Variants in ASTN2 observed in about 807,000 individuals in gnomAD.
The protein encoded by ASTN2 is astrotactin 2.
Under a neutral mutation model 139.8 loss-of-function variants are expected in ASTN2, and 54 were observed. The observed-to-expected ratio is 0.39, with a 90% confidence interval of 0.31 to 0.48. The LOEUF is 0.48. ASTN2 is among the 20% of genes least tolerant of loss of function. ASTN2 has a pLI of 0.95. For missense variants in ASTN2, 1,565 were observed against 1,725.1 expected (o/e 0.91, Z 1.64); for synonymous variants, 756 against 719.5 (o/e 1.05, Z -0.81).
intron 19 of ASTN2, among the ~76,000 whole-genome samples, chr9:116,569,355 C>T (rs1053297824): frequency 2.6e-5 from 4 of 152,186 alleles, no homozygotes; most frequent in Non-Finnish European, 5.9e-5. Flanking sequence ...GTGCAAAGTG[C>T]TTAACGTAGT....
chr9:116,462,225 TGCTAGGAG>T (rs1848509116), intron 20 of ASTN2, among the ~76,000 whole-genome samples: 2 of 152,330 alleles, frequency 1.3e-5, no homozygotes, highest in South Asian at 4.1e-4. Flanking sequence ...ACATATAATG[TGCTAGGAG>T]GCTATCTAAC....
chr9:117,130,825 A>T (rs1382840768), intron 4 of ASTN2, among the ~76,000 whole-genome samples: 1 of 152,232 alleles, frequency 6.6e-6, no homozygotes. Context: ...CAATATATAA[A>T]CATAGAATAA....
At chr9:116,989,717 G>A (rs1836792989) in intron 7 of ASTN2, among the ~76,000 whole-genome samples, 1 of 151,546 alleles carries the variant, frequency 6.6e-6, no homozygotes, top group Non-Finnish European at 1.5e-5. Context: ...CCTAGTAGCT[G>A]GGATTACAGG....
intron 13 of ASTN2, among the ~76,000 whole-genome samples, chr9:116,758,646 T>C (rs1221444934): frequency 6.6e-6 from 1 of 152,168 alleles, no homozygotes; most frequent in African/African-American, 2.4e-5. Context: ...TATGCAGGGA[T>C]GTGTCTCCTT....
At chr9:117,098,869 A>G (rs1219993000) in intron 4 of ASTN2, among the ~76,000 whole-genome samples, 1 of 152,006 alleles carries the variant, frequency 6.6e-6, no homozygotes, top group African/African-American at 2.4e-5. Flanking sequence ...GCACTTTGGG[A>G]GGCCAAGGCG....
intron 3 of ASTN2, among the ~76,000 whole-genome samples, chr9:117,206,165 C>T (rs530346707): frequency 6.6e-6 from 1 of 152,210 alleles, no homozygotes; most frequent in African/African-American, 2.4e-5. Flanking sequence ...AGGCAGAGCA[C>T]CGAAATGCAG....
chr9:116,805,424 G>A (rs1831004031), intron 13 of ASTN2, among the ~76,000 whole-genome samples: 1 of 151,984 alleles, frequency 6.6e-6, no homozygotes, highest in Non-Finnish European at 1.5e-5. Context: ...TGGCAAAGTG[G>A]GACAAATATA....
chr9:117,137,603 A>C (rs1829983303), intron 4 of ASTN2, among the ~76,000 whole-genome samples: 1 of 152,180 alleles, frequency 6.6e-6, no homozygotes, highest in African/African-American at 2.4e-5. Flanking sequence ...ATTGAGTTAA[A>C]CAAAGCAGCC....
chr9:117,123,061 C>T (rs566386693), intron 4 of ASTN2, among the ~76,000 whole-genome samples: 2 of 152,204 alleles, frequency 1.3e-5, no homozygotes, highest in South Asian at 4.1e-4. Flanking sequence ...GAATATCTTC[C>T]TAGTGCAGTG....
intron 2 of ASTN2, among the ~76,000 whole-genome samples, chr9:117,272,113 A>G (rs1344174497): frequency 1.3e-5 from 2 of 152,222 alleles, no homozygotes; most frequent in African/African-American, 4.8e-5. Flanking sequence ...CTGGGCTTCA[A>G]GGCGTTTCCA....
chr9:117,233,485 G>A (rs16934417), intron 2 of ASTN2, among the ~76,000 whole-genome samples: 15,626 of 152,000 alleles, frequency 0.1, 1,328 homozygotes, highest in African/African-American at 0.22. Context: ...ATTACTAAGG[G>A]CTATCTATGT....
At chr9:117,078,394 C>G (rs1828335555) in intron 5 of ASTN2, among the ~76,000 whole-genome samples, 1 of 152,170 alleles carries the variant, frequency 6.6e-6, no homozygotes, top group Non-Finnish European at 1.5e-5. Flanking sequence ...GATTTATGGT[C>G]TTTTGTATCC....
intron 20 of ASTN2, among the ~76,000 whole-genome samples, chr9:116,453,718 G>C (rs1848246748): frequency 6.6e-6 from 1 of 150,722 alleles, no homozygotes; most frequent in South Asian, 2.1e-4. Flanking sequence ...AGATAAAATG[G>C]AAACAGTGCA....
intron 1 of ASTN2, among the ~76,000 whole-genome samples, chr9:117,340,298 C>A (rs1466739484): frequency 7.6e-6 from 1 of 131,332 alleles, no homozygotes; most frequent in Non-Finnish European, 1.5e-5. Flanking sequence ...CGCCACCGCA[C>A]TCCAGCCTGG....
chr9:116,542,900 A>G (rs1226021123), intron 19 of ASTN2, among the ~76,000 whole-genome samples: 1 of 152,176 alleles, frequency 6.6e-6, no homozygotes, highest in Non-Finnish European at 1.5e-5. Context: ...AGCCTGGGTG[A>G]CAGAGCAAAA....
intron 16 of ASTN2, among the ~76,000 whole-genome samples, chr9:116,701,722 A>G (rs1433987706): frequency 6.6e-6 from 1 of 152,200 alleles, no homozygotes; most frequent in African/African-American, 2.4e-5. Context: ...TGTTGGCTCA[A>G]AATGGAAGTG....
At chr9:117,199,641 G>GT (rs34734014) in intron 3 of ASTN2, among the ~76,000 whole-genome samples, 65,841 of 150,690 alleles carry the variant, frequency 0.44, 14,567 homozygotes, top group Middle Eastern at 0.52. Flanking sequence ...ATTTAAAGTA[G>GT]TTTTTTTTTT....
chr9:117,185,570 A>AT (rs1831176215), intron 3 of ASTN2, among the ~76,000 whole-genome samples: 3 of 152,186 alleles, frequency 2.0e-5, no homozygotes, highest in African/African-American at 7.2e-5. Flanking sequence ...ATAGTTCCAG[A>AT]TTAGCTTATG....
At chr9:117,267,684 CT>C (rs1833966429) in intron 2 of ASTN2, among the ~76,000 whole-genome samples, 1 of 152,128 alleles carries the variant, frequency 6.6e-6, no homozygotes, top group African/African-American at 2.4e-5. Context: ...GGTTACAAGC[CT>C]TGGAATGGGG....
Sources: allele counts gnomAD v4.1 joint callset (sites outside exome capture counted in the v4.1 genomes callset), GRCh38; gene constraint gnomAD v4.1.1; transcripts MANE v1.5; gene names NCBI Gene and HGNC (gene_info 2026-07-23, HGNC 2026-07-21).